The following NXN variants were observed in gnomAD, a reference collection of about 807,000 sequenced individuals.
The protein encoded by NXN is nucleoredoxin 1.
In NXN, 16 loss-of-function variants were observed where a neutral mutation model predicts 48.6. The observed-to-expected ratio is 0.33, with a 90% CI of 0.22 to 0.50. The LOEUF is 0.50. Among genes scored for constraint, NXN ranks in the 20% least tolerant of loss-of-function variants. The pLI is 0.98. For missense variants in NXN, 492 were observed against 605.5 expected, an observed-to-expected ratio of 0.81 and a Z score of 1.97; for synonymous variants, 281 against 269.6, an observed-to-expected ratio of 1.04 and a Z score of -0.41.
At chr17:963,136 C>G (rs187483243) in intron 1 of NXN, among the ~76,000 whole-genome samples, 24 of 149,802 alleles carry the variant, frequency 1.6e-4, no homozygotes, top group Admixed American at 1.3e-3. Context: ...CAGCACCTGT[C>G]AGGTTAGCCG....
chr17:895,560 C>T, intron 1 of NXN, among the ~76,000 whole-genome samples: 1 of 151,544 alleles, frequency 6.6e-6, no homozygotes. Flanking sequence ...CGCCTCTAAT[C>T]CCAGCACTTT....
intron 1 of NXN, among the ~76,000 whole-genome samples, chr17:883,709 G>A (rs1212120900): frequency 2.6e-5 from 4 of 152,242 alleles, no homozygotes; most frequent in Admixed American, 2.6e-4. Flanking sequence ...AAGCCACGGG[G>A]CAGGACTTCA....
chr17:912,727 C>T (rs545545408), intron 1 of NXN, among the ~76,000 whole-genome samples: 31 of 151,992 alleles, frequency 2.0e-4, no homozygotes, highest in Non-Finnish European at 4.1e-4. Flanking sequence ...CCGATGCGGG[C>T]GGATCACCTG....
At chr17:841,277 C>T (rs77523166) in intron 1 of NXN, among the ~76,000 whole-genome samples, 4,192 of 152,332 alleles carry the variant, frequency 0.028, 189 homozygotes, top group African/African-American at 0.095. Context: ...GCGGCCCTCA[C>T]GCTGCAGGGG....
At chr17:836,868 T>G (rs922493765) in intron 1 of NXN, among the ~76,000 whole-genome samples, 16 of 152,140 alleles carry the variant, frequency 1.1e-4, no homozygotes, top group Non-Finnish European at 2.1e-4. Context: ...CATGGCTCAC[T>G]GCAGCCTCCA....
chr17:857,108 C>T (rs2067993751), intron 1 of NXN, among the ~76,000 whole-genome samples: 2 of 152,178 alleles, frequency 1.3e-5, no homozygotes, highest in Admixed American at 1.3e-4. Flanking sequence ...CTTAGGAACA[C>T]AAAAGTTTCT....
intron 1 of NXN, chr17:878,345 A>T (rs1445969331): frequency 1.6e-5 from 2 of 125,042 alleles, no homozygotes; most frequent in African/African-American, 6.0e-5. Flanking sequence ...TGCAAAGGTG[A>T]GGATGCTAGA....
In NXN at chr17:917,564, C is replaced by T. The variant is rs574497647; in HGVS notation, c.360+61755G>A. ...CCACCCTACGCCCATTTTTTATCTC[C>T]ACCCACTCTTTGAACTTAGCACTGG... On this transcript the variant is annotated intron_variant, in intron 1 of 7. Coordinates refer to ENST00000336868, the MANE Select transcript of NXN (RefSeq NM_022463.5). The surrounding 1 kb of genome is among the most constrained non-coding windows in gnomAD (Gnocchi z 4.5). 7.7e-4 allele frequency among the ~76,000 whole-genome samples: 117 copies of T among 152,362 alleles called. No homozygotes were observed. Among genetic ancestry groups the T allele is most frequent in the African/African-American group, 2.6e-3 (107 of 41,598 alleles).
chr17:813,894 A>G (rs1912318778), intron 5 of NXN, among the ~76,000 whole-genome samples: 1 of 151,364 alleles, frequency 6.6e-6, no homozygotes, highest in African/African-American at 2.4e-5. Flanking sequence ...TGAACCCGGG[A>G]GGCAGAGGTT....
intron 5 of NXN, chr17:819,115 T>G: frequency 3.0e-6 from 1 of 336,306 alleles, no homozygotes. Context: ...CCCAGCTAAT[T>G]TTTGTATTTT....
chr17:946,400 C>G (rs984854691), intron 1 of NXN, among the ~76,000 whole-genome samples: 11 of 152,186 alleles, frequency 7.2e-5, no homozygotes, highest in African/African-American at 2.7e-4. Flanking sequence ...ATCTCTTGAC[C>G]TCGTGATCCG....
chr17:806,904 C>T (rs913969759), intron 5 of NXN, among the ~76,000 whole-genome samples: 2 of 149,882 alleles, frequency 1.3e-5, no homozygotes, highest in Non-Finnish European at 2.9e-5. Flanking sequence ...GCCACTCCGA[C>T]ATCACACACA....
chr17:803,996 C>T, intron 6 of NXN, 190 bp from the exon 7 acceptor site: 1 of 671,426 alleles, frequency 1.5e-6, no homozygotes, highest in Non-Finnish European at 2.5e-6. Flanking sequence ...TGCGTCCCAG[C>T]AGCAAAGCTC....
intron 1 of NXN, among the ~76,000 whole-genome samples, chr17:975,371 GC>G (rs1436766849): frequency 7.9e-5 from 12 of 152,200 alleles, no homozygotes; most frequent in African/African-American, 2.9e-4. Flanking sequence ...AGGAAGAGTG[GC>G]AGAGCTGGAG....
At chr17:893,372 G>C (rs955782897) in intron 1 of NXN, among the ~76,000 whole-genome samples, 7 of 152,204 alleles carry the variant, frequency 4.6e-5, no homozygotes, top group Middle Eastern at 3.2e-3. Context: ...CTAATCCTCC[G>C]GTCCCAGCTT....
rs140637485 is a variant in NXN at position 971,009 on chromosome 17, C to T, written c.360+8310G>A. Among the ~76,000 whole-genome samples the T allele has an allele frequency of 9.7e-4, 142 of 146,688 alleles. 2 individuals are homozygous for T. Among genetic ancestry groups the T allele is most frequent in the African/African-American group, 3.3e-3 (131 of 39,142 alleles). ...TTCCCCAGGCTGGAGTACAGTGGTG[C>T]GATCTCGGCTCAATGCAACCTCCGC... On this transcript the variant is annotated intron_variant, in intron 1 of 7. Transcript: ENST00000336868.
At chr17:806,301 G>A (rs1438864961) in intron 5 of NXN, among the ~76,000 whole-genome samples, 1 of 130,910 alleles carries the variant, frequency 7.6e-6, no homozygotes, top group Admixed American at 8.2e-5. Context: ...TGCAGCCCCC[G>A]CCGTCTGCAC....
At chr17:972,543 G>A (rs1249955644) in intron 1 of NXN, among the ~76,000 whole-genome samples, 5 of 152,140 alleles carry the variant, frequency 3.3e-5, no homozygotes, top group African/African-American at 9.7e-5. Context: ...TGGCCAAAAT[G>A]AAATCATGCA....
chr17:966,388 C>T (rs2069303866), intron 1 of NXN, among the ~76,000 whole-genome samples: 2 of 151,850 alleles, frequency 1.3e-5, no homozygotes, highest in African/African-American at 4.8e-5. Flanking sequence ...GCTCTTGTTA[C>T]CCAGGCCGGA....
Sources: gnomAD v4.1 joint callset for allele counts (sites outside exome capture counted in the v4.1 genomes callset) on GRCh38, gnomAD v4.1.1 for gene constraint, Gnocchi (gnomAD v3.1) non-coding constraint, MANE v1.5 for transcripts, NCBI Gene and HGNC (gene_info 2026-07-23, HGNC 2026-07-21) for gene names.